Variants in OLFM4 observed in about 807,000 individuals in gnomAD.
OLFM4 encodes the protein olfactomedin 4.
A neutral mutation model predicts 25.5 loss-of-function variants in OLFM4; 22 were observed. That is an observed-to-expected ratio of 0.86 (90% confidence interval 0.62 to 1.23). The LOEUF (loss-of-function observed/expected upper bound fraction) is 1.23, where lower values mean the gene tolerates loss of function less well. Among genes scored for constraint, OLFM4 ranks in the 50% most tolerant of loss-of-function variants. The pLI is 0.00. For missense variants in OLFM4, 594 were observed against 619.4 expected (o/e 0.96, Z 0.44); for synonymous variants, 255 against 237.7 (o/e 1.07, Z -0.67).
chr13:53,050,542 T>A lies in OLFM4; in HGVS notation c.1304T>A (p.Met435Lys), dbSNP rs777742482. The A allele has an allele frequency of 1.2e-6, 2 of 1,613,898 alleles. No individual in the cohort carries two copies. Among genetic ancestry groups the A allele is most frequent in the African/African-American group, 2.7e-5 (2 of 74,894 alleles). Reference sequence around the variant, plus strand: ...AAACCATCTGCTTCTAACGCCTTCATGGTATGTGGGGTTCTGTATGCCACC... The same window carrying A: ...AAACCATCTGCTTCTAACGCCTTCAAGGTATGTGGGGTTCTGTATGCCACC... ...QYKPSASNAF[M>K]VCGVLYATRT... The change falls in exon 5 of 5, where the codon ATG (methionine) becomes AAG (lysine). Residue 435 changes from methionine (M) to lysine (K), a missense_variant. Met to Lys is a moderately conservative substitution (Grantham distance 95). Coordinates refer to ENST00000219022, the MANE Select transcript of OLFM4 (RefSeq NM_006418.5).
chr13:53,034,865 T>G (rs1421958524), intron 2 of OLFM4, among the ~76,000 whole-genome samples: 1 of 152,220 alleles, frequency 6.6e-6, no homozygotes, highest in African/African-American at 2.4e-5. Flanking sequence ...CAAGCTTTGC[T>G]TTCTTTTCTT....
rs141840932 is a variant in OLFM4, at chr13:53,050,359, C to T, written c.1121C>T (p.Ser374Leu). 6.2e-7 allele frequency: 1 copy of T among 1,614,068 alleles called. No homozygotes were observed. The highest frequency in any genetic ancestry group is 1.1e-5 in the South Asian group (1 of 91,080). Residue 374 changes from serine (S) to leucine (L), a missense_variant, in exon 5 of 5, where the codon TCA becomes TTA. Transcript: ENST00000219022. ...LPNAAYNNRFSYANVAWQDID... is the reference protein window; with the variant it reads ...LPNAAYNNRFLYANVAWQDID... The stretch of plus-strand genomic sequence containing the variant: ...AATGCTGCCTATAATAACCGCTTTT[C>T]ATATGCTAATGTTGCTTGGCAAGAT...
chr13:53,043,604 C>T (rs915846774), intron 4 of OLFM4, among the ~76,000 whole-genome samples: 17 of 152,144 alleles, frequency 1.1e-4, no homozygotes, highest in Non-Finnish European at 4.4e-5. Flanking sequence ...GGGAAAGCCT[C>T]TGGAATCTGT....
intron 2 of OLFM4, among the ~76,000 whole-genome samples, chr13:53,040,810 T>C (rs1036990056): frequency 6.6e-5 from 10 of 152,188 alleles, no homozygotes; most frequent in African/African-American, 2.2e-4. Context: ...GAGACTATGA[T>C]ACAAACCAGT....
At chr13:53,042,622 GA>G (rs1954693547) in intron 3 of OLFM4, among the ~76,000 whole-genome samples, 2 of 152,262 alleles carry the variant, frequency 1.3e-5, no homozygotes, top group South Asian at 4.1e-4. Flanking sequence ...AAGATCTGTG[GA>G]TAAAGACCAT....
rs578022020 is a variant in OLFM4 at position 53,047,605 on chromosome 13, A to T, written c.731-2364A>T. Among the ~76,000 whole-genome samples, 11 of 152,308 alleles carry T rather than the reference A, an allele frequency of 7.2e-5. No homozygotes were observed. In the South Asian group the frequency reaches 1.2e-3, roughly 17 times the overall value. The stretch of plus-strand genomic sequence containing the variant: ...GGAATGTTTGGGAGGTGAGAAAAAC[A>T]AAGTTTCATACATTTTAATATTTAC... On this transcript the variant is annotated intron_variant, in intron 4 of 4. Transcript: ENST00000219022.
rs118080787 is a variant in OLFM4, at chr13:53,041,081, T to C, written c.358-829T>C. On this transcript the variant is annotated intron_variant, in intron 2 of 4. Coordinates refer to ENST00000219022, the MANE Select transcript of OLFM4 (RefSeq NM_006418.5). ...AAAGCAGTGTGGTGACTCGAAGAAC[T>C]AAAAAGAACTATTATTCAACCTAGC... 1.1e-3 allele frequency among the ~76,000 whole-genome samples: 172 copies of C among 152,188 alleles called. 1 individual carries two copies. Among genetic ancestry groups the C allele is most frequent in the East Asian group, 7.6e-3 (39 of 5,162 alleles).
chr13:53,049,419 T>C (rs563271796), intron 4 of OLFM4, among the ~76,000 whole-genome samples: 12 of 152,228 alleles, frequency 7.9e-5, no homozygotes, highest in South Asian at 4.2e-4. Flanking sequence ...GGATGTGCAA[T>C]TGGGGGTCCC....
chr13:53,030,703 A>G lies in OLFM4; in HGVS notation c.204+1663A>G, dbSNP rs140272453. Among the ~76,000 whole-genome samples, 1,518 of 152,348 alleles carry G rather than the reference A, an allele frequency of 1.0e-2. 19 individuals are homozygous for G. Among genetic ancestry groups the G allele is most frequent in the African/African-American group, 0.033 (1,359 of 41,576 alleles). On this transcript the variant is annotated intron_variant, in intron 1 of 4. Transcript: ENST00000219022. ...AAGGTGAAGTCATTAGTTTTAAGTC[A>G]CTAAGCTAGCAAGTTATATAGCTCA...
In OLFM4 at chr13:53,034,508, T is replaced by C; in HGVS notation, c.357+8T>C. 1 of 1,598,666 alleles carries C rather than the reference T, an allele frequency of 6.3e-7. No homozygotes were observed. The highest frequency in any genetic ancestry group is 8.5e-7 in the Non-Finnish European group (1 of 1,173,888). On this transcript the variant is annotated splice_region_variant and intron_variant, in intron 2 of 4. Transcript: ENST00000219022. ...GAGAAAGAACTTTCCAAAGTAAGCA[T>C]TTTCTTTTCAAACAATATCTTGATA... is the stretch of plus-strand genomic sequence containing the variant.
rs1168289640 is a variant in OLFM4 at position 53,034,382 on chromosome 13, G to A, written c.239G>A (p.Arg80His). ...FSNFTGSVDD[R>H]GTCQCSVSLP... is the part of the protein sequence containing the mutation. Reference sequence around the variant, plus strand: ...AATTTCACCGGCTCCGTGGATGACCGTGGGACCTGCCAGTGCTCTGTTTCC... The same window carrying A: ...AATTTCACCGGCTCCGTGGATGACCATGGGACCTGCCAGTGCTCTGTTTCC... Residue 80 changes from arginine (R) to histidine (H), a missense_variant, in exon 2 of 5, where the codon CGT becomes CAT. Transcript: ENST00000219022. The A allele has an allele frequency of 2.5e-6, 4 of 1,613,908 alleles. No homozygotes were observed. The highest frequency in any genetic ancestry group is 3.4e-6 in the Non-Finnish European group (4 of 1,179,932).
At position 53,029,049 on chromosome 13, in the gene OLFM4, G is replaced by T. The variant is rs754937418; in HGVS notation, c.204+9G>T. On this transcript the variant is annotated intron_variant, in intron 1 of 4. Coordinates refer to ENST00000219022, the MANE Select transcript of OLFM4 (RefSeq NM_006418.5). The stretch of plus-strand genomic sequence containing the variant: ...GAGGTTCTGTGTCCCAGGTGAGGAG[G>T]CCCCAGAATCTGAATGAGCTGCATT... 7 of 1,613,546 alleles carry T rather than the reference G, an allele frequency of 4.3e-6. No individual in the cohort carries two copies. In the African/African-American group the frequency reaches 6.7e-5, roughly 15 times the overall value.
chr13:53,042,986 A>G, intron 3 of OLFM4, 119 bp from the exon 4 acceptor site: 1 of 737,104 alleles, frequency 1.4e-6, no homozygotes, highest in Non-Finnish European at 2.2e-6. Flanking sequence ...GAAACCATTC[A>G]GAAGAATCTC....
chr13:53,042,755 C>T (rs1420643881), intron 3 of OLFM4, among the ~76,000 whole-genome samples: 1 of 152,146 alleles, frequency 6.6e-6, no homozygotes, highest in Non-Finnish European at 1.5e-5. Context: ...CTGGCCCTCA[C>T]CATTCATTAG....
rs1183496916 is a variant in OLFM4 at position 53,043,118 on chromosome 13, C to T, written c.584C>T (p.Thr195Ile). ...TTATTTCCTTAGATAAGAAATATGA[C>T]TCTCTTGGTAGAGAAGCTTGAGACA... ...DQLEVEIRNM[T>I]LLVEKLETLD... Residue 195 changes from threonine (T) to isoleucine (I), a missense_variant, in exon 4 of 5, where the codon ACT becomes ATT. By Grantham distance (89) the Thr-to-Ile change is moderately conservative. Coordinates refer to ENST00000219022, the MANE Select transcript of OLFM4 (RefSeq NM_006418.5). The T allele has an allele frequency of 1.9e-6, 3 of 1,594,942 alleles. No homozygotes were observed. In the Admixed American group the frequency reaches 5.5e-5, roughly 29 times the overall value.
intron 2 of OLFM4, among the ~76,000 whole-genome samples, chr13:53,038,459 C>A (rs1259062457): frequency 6.6e-6 from 1 of 152,204 alleles, no homozygotes; most frequent in Non-Finnish European, 1.5e-5. Context: ...TGCCAGGCTA[C>A]AAACCTGTAC....
chr13:53,040,689 G>GCT (rs1423378431), intron 2 of OLFM4, among the ~76,000 whole-genome samples: 2 of 152,152 alleles, frequency 1.3e-5, no homozygotes, highest in Non-Finnish European at 1.5e-5. Flanking sequence ...TTAATATTGT[G>GCT]TAATTCACAG....
At position 53,028,842 on chromosome 13, in the gene OLFM4, G is replaced by T; in HGVS notation, c.6G>T (p.Arg2Ser). ...GCTCCAGCTAAGAGGACAAGATGAG[G>T]CCCGGCCTCTCATTTCTCCTAGCCC... Reference protein sequence around the residue: MRPGLSFLLALL... With the variant: MSPGLSFLLALL... The change falls in exon 1 of 5, where the codon AGG (arginine) becomes AGT (serine). Residue 2 changes from arginine to serine, a missense_variant. Transcript: ENST00000219022. The T allele has an allele frequency of 1.2e-6, 2 of 1,614,214 alleles. No homozygotes were observed. Among genetic ancestry groups the T allele is most frequent in the Non-Finnish European group, 8.5e-7 (1 of 1,180,028 alleles).
At chr13:53,048,511 T>C (rs1268529429) in intron 4 of OLFM4, among the ~76,000 whole-genome samples, 1 of 152,144 alleles carries the variant, frequency 6.6e-6, no homozygotes, top group Non-Finnish European at 1.5e-5. Flanking sequence ...CTAGTAATGG[T>C]TTCACCTTTG....
Sources: gnomAD v4.1 joint callset for allele counts (sites outside exome capture counted in the v4.1 genomes callset) on GRCh38, gnomAD v4.1.1 for gene constraint, MANE v1.5 for transcripts, NCBI Gene and HGNC (gene_info 2026-07-23, HGNC 2026-07-21) for gene names.